Variants in NAV2 observed in about 807,000 individuals in gnomAD.
NAV2 encodes neuron navigator 2.
A neutral mutation model predicts 223.2 loss-of-function variants in NAV2; 54 were observed. The observed-to-expected ratio is 0.24, with a 90% confidence interval of 0.19 to 0.30. The LOEUF (loss-of-function observed/expected upper bound fraction) is 0.30. Among genes scored for constraint, NAV2 ranks in the 10% least tolerant of loss-of-function variants. NAV2 has a pLI of 1.00. For missense variants in NAV2, 2,806 were observed against 3,147.5 expected (o/e 0.89, Z 2.60); for synonymous variants, 1,279 against 1,239.3 (o/e 1.03, Z -0.67).
chr11:19,816,763 G>T (rs1390165196), intron 1 of NAV2, among the ~76,000 whole-genome samples: 1 of 152,114 alleles, frequency 6.6e-6, no homozygotes, highest in Non-Finnish European at 1.5e-5. Context: ...AGTGCTTTAT[G>T]GTCCATTGTT....
chr11:19,819,519 G>C (rs1251104390), intron 1 of NAV2, among the ~76,000 whole-genome samples: 2 of 152,158 alleles, frequency 1.3e-5, no homozygotes, highest in Non-Finnish European at 2.9e-5. Context: ...GGGGAGTTCT[G>C]CTAAGTGGAG....
chr11:19,623,602 G>GT (rs2135433493), intron 1 of NAV2, among the ~76,000 whole-genome samples: 1 of 152,272 alleles, frequency 6.6e-6, no homozygotes, highest in East Asian at 1.9e-4. Context: ...TCATGCCATG[G>GT]TTTTCAGCTC....
At chr11:19,629,345 T>C (rs926786570) in intron 1 of NAV2, among the ~76,000 whole-genome samples, 7 of 152,140 alleles carry the variant, frequency 4.6e-5, no homozygotes, top group Admixed American at 2.0e-4. Context: ...CCCATTAGGC[T>C]CTTTCCTAGA....
intron 1 of NAV2, among the ~76,000 whole-genome samples, chr11:19,735,916 G>T (rs1590228877): frequency 6.6e-6 from 1 of 152,334 alleles, no homozygotes; most frequent in African/African-American, 2.4e-5. Flanking sequence ...AATGCTGGGG[G>T]CTGTCTACCT....
intron 6 of NAV2, among the ~76,000 whole-genome samples, chr11:19,919,983 A>G (rs528127091): frequency 6.6e-6 from 1 of 152,238 alleles, no homozygotes; most frequent in East Asian, 1.9e-4. Flanking sequence ...AAAAATAAAA[A>G]AATTAGCCGG....
At chr11:19,620,962 T>C (rs577353077) in intron 1 of NAV2, among the ~76,000 whole-genome samples, 1 of 152,342 alleles carries the variant, frequency 6.6e-6, no homozygotes, top group East Asian at 1.9e-4. Context: ...TGAGAGTTTT[T>C]AGCATGAAGG....
intron 1 of NAV2, among the ~76,000 whole-genome samples, chr11:19,628,930 A>T (rs1374896680): frequency 6.6e-6 from 1 of 152,030 alleles, no homozygotes; most frequent in Admixed American, 6.5e-5. Flanking sequence ...TGCCAGGTGC[A>T]TTTGCCACCC....
rs2047153641 is a variant in NAV2, at chr11:19,948,890, G to A, written c.2455G>A (p.Gly819Ser). The A allele has an allele frequency of 6.2e-7, 1 of 1,614,124 alleles. No individual in the cohort carries two copies. The highest frequency in any genetic ancestry group is 8.5e-7 in the Non-Finnish European group (1 of 1,180,020). Residue 819 changes from glycine (G) to serine (S), a missense_variant, in exon 10 of 38, where the codon GGT (glycine) becomes AGT (serine). Physicochemically the swap from Gly to Ser is moderately conservative, Grantham distance 56. This residue lies in a region of NAV2 where 1,167 missense variants were observed against 1,180.5 expected (regional missense o/e 0.99). Coordinates refer to ENST00000349880, the MANE Select transcript of NAV2 (RefSeq NM_145117.5). ...NASRFINTES[G>S]RYVYSAPLRR... is the part of the protein sequence containing the mutation. ...CAGCAGGTTCATCAACACTGAGTCAGGTCGCTATGTGTACTCCGCCCCTCT... is the reference window on the plus strand; with the variant it reads ...CAGCAGGTTCATCAACACTGAGTCAAGTCGCTATGTGTACTCCGCCCCTCT...
intron 1 of NAV2, among the ~76,000 whole-genome samples, chr11:19,592,576 C>T (rs1186234178): frequency 6.6e-6 from 1 of 152,068 alleles, no homozygotes; most frequent in Non-Finnish European, 1.5e-5. Context: ...TGGGGGAAGT[C>T]CATGAACTTG....
At chr11:20,071,062 C>T (rs58274194) in intron 22 of NAV2, among the ~76,000 whole-genome samples, 26,428 of 150,342 alleles carry the variant, frequency 0.18, 3,114 homozygotes, top group African/African-American at 0.32. Context: ...CCCATCAACT[C>T]GTCATCTACA....
chr11:19,722,698 A>G (rs1237384921), intron 1 of NAV2, among the ~76,000 whole-genome samples: 1 of 152,206 alleles, frequency 6.6e-6, no homozygotes, highest in Non-Finnish European at 1.5e-5. Flanking sequence ...AGATAAAAGA[A>G]AGCATTGGAA....
At chr11:19,355,247 G>T (rs1853551810) in intron 1 of NAV2, among the ~76,000 whole-genome samples, 1 of 76,464 alleles carries the variant, frequency 1.3e-5, no homozygotes, top group African/African-American at 5.0e-5. Context: ...AAGAATTGTT[G>T]GTTGTTTTTT....
intron 6 of NAV2, chr11:19,931,666 T>A (rs935434257): frequency 6.6e-6 from 1 of 150,766 alleles, no homozygotes; most frequent in Non-Finnish European, 1.5e-5. Flanking sequence ...TAGTTGTGGA[T>A]GACAAAAGTT....
chr11:19,379,446 A>T (rs975471107), intron 1 of NAV2, among the ~76,000 whole-genome samples: 1 of 152,234 alleles, frequency 6.6e-6, no homozygotes, highest in Admixed American at 6.5e-5. Context: ...GAAGACATTC[A>T]CATCTGTACA....
At chr11:19,905,705 G>A (rs1196982244) in intron 6 of NAV2, among the ~76,000 whole-genome samples, 1 of 152,068 alleles carries the variant, frequency 6.6e-6, no homozygotes, top group Non-Finnish European at 1.5e-5. Context: ...TGAGGGAGAG[G>A]GACTTTTCCA....
At chr11:19,396,014 A>G (rs1273729662) in intron 1 of NAV2, among the ~76,000 whole-genome samples, 1 of 152,214 alleles carries the variant, frequency 6.6e-6, no homozygotes, top group Non-Finnish European at 1.5e-5. Context: ...GCTCATCTTT[A>G]CAATGGGTGA....
At chr11:19,620,941 A>G (rs2046974166) in intron 1 of NAV2, among the ~76,000 whole-genome samples, 3 of 152,136 alleles carry the variant, frequency 2.0e-5, no homozygotes, top group African/African-American at 7.2e-5. Flanking sequence ...TCCCATTAAT[A>G]CCTAATTTAT....
At chr11:19,532,781 G>C (rs2044066804) in intron 1 of NAV2, among the ~76,000 whole-genome samples, 1 of 152,178 alleles carries the variant, frequency 6.6e-6, no homozygotes, top group Non-Finnish European at 1.5e-5. Flanking sequence ...CCCTTCTTAT[G>C]ACACGAGGCA....
At chr11:19,801,232 C>T (rs117724950) in intron 1 of NAV2, among the ~76,000 whole-genome samples, 5,731 of 152,284 alleles carry the variant, frequency 0.038, 154 homozygotes, top group Middle Eastern at 0.051. Context: ...GGACCCCATC[C>T]CAATTTAGGG....
Sources: gnomAD v4.1 joint callset for allele counts (sites outside exome capture counted in the v4.1 genomes callset) on GRCh38, gnomAD v4.1.1 for gene constraint, gnomAD v4.1.1 regional missense constraint, MANE v1.5 for transcripts, NCBI Gene and HGNC (gene_info 2026-07-23, HGNC 2026-07-21) for gene names.